USP20: variants seen among roughly 807,000 people sequenced by gnomAD.
USP20 encodes ubiquitin carboxyl-terminal hydrolase 20.
USP20 carries 80 observed loss-of-function variants against 124.2 expected under a neutral mutation model. That is an observed-to-expected ratio of 0.64 (90% confidence interval 0.54 to 0.78). USP20 has a LOEUF of 0.78. Ranked by LOEUF, USP20 falls within the 30% of genes least tolerant of loss-of-function variation. USP20 has a pLI of 0.00. For synonymous variants in USP20, 481 were observed against 512.3 expected, an observed-to-expected ratio of 0.94 and a Z score of 0.83; for missense variants, 1,043 against 1,244.4, an observed-to-expected ratio of 0.84 and a Z score of 2.44.
chr9:129,860,622 G>A (rs1429954256), intron 6 of USP20, among the ~76,000 whole-genome samples: 4 of 152,068 alleles, frequency 2.6e-5, no homozygotes, highest in African/African-American at 7.2e-5. Context: ...TACTGAGAAG[G>A]GCGAGGTGGG....
chr9:129,868,433 C>G lies in USP20; in HGVS notation c.1119C>G (p.Ser373Arg). The stretch of plus-strand genomic sequence containing the variant: ...AGCCCCCGTCACCACGGTCCTCCAG[C>G]CCCTGCCGGACGCCAGGTATCAGCT... Reference protein sequence around the residue: ...EAQPPSPRSSSPCRTPEPDND... With the variant: ...EAQPPSPRSSRPCRTPEPDND... The change falls in exon 11 of 26, where the codon AGC becomes AGG. Residue 373 changes from serine (S) to arginine (R), a missense_variant. Physicochemically the swap from Ser to Arg is moderately radical, Grantham distance 110. Transcript: ENST00000372429. 6.2e-7 allele frequency: 1 copy of G among 1,610,504 alleles called. No homozygotes were observed. The highest frequency in any genetic ancestry group is 2.2e-5 in the East Asian group (1 of 44,806).
intron 21 of USP20, 151 bp downstream of exon 21, chr9:129,875,792 T>TG (rs1163931812): frequency 1.4e-6 from 1 of 728,490 alleles, no homozygotes; most frequent in African/African-American, 2.0e-5. Flanking sequence ...ACTTGTCTCA[T>TG]GGAGAATGAC....
At chr9:129,840,253 T>A (rs2032123143) in intron 1 of USP20, among the ~76,000 whole-genome samples, 1 of 152,214 alleles carries the variant, frequency 6.6e-6, no homozygotes, top group Non-Finnish European at 1.5e-5. Flanking sequence ...GAGGCACAGG[T>A]GGGACGGAAA....
intron 1 of USP20, among the ~76,000 whole-genome samples, chr9:129,847,871 A>C (rs2032671810): frequency 6.6e-6 from 1 of 150,800 alleles, no homozygotes; most frequent in South Asian, 2.1e-4. Context: ...AAATAGAATC[A>C]TATGGTATAT....
chr9:129,870,390 C>T (rs967163934), intron 14 of USP20, 63 bp from the exon 15 acceptor site: 1 of 1,546,442 alleles, frequency 6.5e-7, no homozygotes, highest in African/African-American at 1.4e-5. Context: ...CAGCCAGAGT[C>T]CCTTCAGCTC....
intron 22 of USP20, among the ~76,000 whole-genome samples, chr9:129,878,016 A>G (rs1156929830): frequency 2.7e-5 from 4 of 150,862 alleles, no homozygotes; most frequent in African/African-American, 7.3e-5. Flanking sequence ...AGGTTGCAGT[A>G]AGCCGAGATC....
chr9:129,870,637 G>C (rs2034076830), intron 15 of USP20, 90 bp downstream of exon 15: 1 of 1,411,706 alleles, frequency 7.1e-7, no homozygotes. Flanking sequence ...GCAGCCCAGG[G>C]CTTGTGGGAT....
intron 10 of USP20, 49 bp from the exon 11 acceptor site, chr9:129,867,956 G>T: frequency 6.4e-7 from 1 of 1,567,578 alleles, no homozygotes; most frequent in Non-Finnish European, 8.6e-7. Flanking sequence ...CTGGAGACTG[G>T]TTCCTCCTGC....
At position 129,879,738 on chromosome 9, in the gene USP20, CCT is replaced by C; in HGVS notation, c.2584+95_2584+96del. 1 of 1,437,310 alleles carries C rather than the reference CCT, an allele frequency of 7.0e-7. No homozygotes were observed. The highest frequency in any genetic ancestry group is 9.7e-7 in the Non-Finnish European group (1 of 1,028,806). The allele number at this position is 1,437,310 out of a possible 1,614,324, so 89.0% of individuals were successfully genotyped here. On this transcript the variant is annotated intron_variant, in intron 24 of 25. Transcript: ENST00000372429. The surrounding 1 kb of genome is among the most constrained non-coding windows in gnomAD (Gnocchi z 4.2). ...CGTCCTTCCAGGAGCCCCCTTACCACCTGTCTTAGAGTCAGGCTGAGACGTCC... is the reference window on the plus strand; with the variant it reads ...CGTCCTTCCAGGAGCCCCCTTACCACGTCTTAGAGTCAGGCTGAGACGTCC...
intron 1 of USP20, among the ~76,000 whole-genome samples, chr9:129,838,284 C>T (rs960445064): frequency 3.9e-5 from 6 of 151,934 alleles, no homozygotes; most frequent in Non-Finnish European, 2.9e-5. Context: ...TTGAGTGATC[C>T]GCCCGCCTCA....
chr9:129,880,483 C>G lies in USP20; in HGVS notation c.*33C>G. On this transcript the variant is annotated 3_prime_UTR_variant, in exon 26 of 26. Coordinates refer to ENST00000372429, the MANE Select transcript of USP20 (RefSeq NM_001110303.4). Reference sequence around the variant, plus strand: ...TCCCCACAGCCCCATGTGCCCCACCCCGCGGAAGGCGTGTTTGTGCCCAGA... The same window carrying G: ...TCCCCACAGCCCCATGTGCCCCACCGCGCGGAAGGCGTGTTTGTGCCCAGA... The G allele has an allele frequency of 1.5e-6, 1 of 648,910 alleles. No individual in the cohort carries two copies. Among genetic ancestry groups the G allele is most frequent in the Non-Finnish European group, 2.6e-6 (1 of 391,424 alleles). The allele number at this position is 648,910 out of a possible 1,614,324, so 40.2% of individuals were successfully genotyped here.
Position 129,873,691 on chromosome 9 carries a change from C to T in USP20, c.1695-8C>T, listed in dbSNP as rs2034246246. 6.2e-7 allele frequency: 1 copy of T among 1,613,628 alleles called. No homozygotes were observed. Among genetic ancestry groups the T allele is most frequent in the South Asian group, 1.1e-5 (1 of 91,088 alleles). Reference sequence around the variant, plus strand: ...GGACACTGATGCTGGCTCGTGCTTCCTCCCCAGGCTGCGGAACGGAGTGAA... The same window carrying T: ...GGACACTGATGCTGGCTCGTGCTTCTTCCCCAGGCTGCGGAACGGAGTGAA... On this transcript the variant is annotated splice_polypyrimidine_tract_variant and splice_region_variant and intron_variant, in intron 16 of 25. Transcript: ENST00000372429.
At chr9:129,859,138 TG>T (rs2033376643) in intron 6 of USP20, among the ~76,000 whole-genome samples, 1 of 151,594 alleles carries the variant, frequency 6.6e-6, no homozygotes, top group East Asian at 1.9e-4. Flanking sequence ...GCCTGTGACC[TG>T]GAGGGCCCGG....
In USP20 at chr9:129,869,359, C is replaced by T; in HGVS notation, c.1326C>T (p.Arg442=). The T allele has an allele frequency of 6.2e-7, 1 of 1,613,776 alleles. No homozygotes were observed. The highest frequency in any genetic ancestry group is 8.5e-7 in the Non-Finnish European group (1 of 1,180,032). ...GGAGGCGGAAGGAGCAGCGCTACCGCAGCGTCATCTCAGACATCTTTGACG... is the reference window on the plus strand; with the variant it reads ...GGAGGCGGAAGGAGCAGCGCTACCGTAGCGTCATCTCAGACATCTTTGACG... ...GSRRRKEQRY[R]SVISDIFDGS... is the part of the protein sequence containing the mutation. The change falls in exon 13 of 26, where the codon CGC becomes CGT. Residue 442 remains arginine (R), a synonymous_variant. Transcript: ENST00000372429.
At chr9:129,869,516 G>A (rs1052554126) in intron 13 of USP20, 91 bp downstream of exon 13, 11 of 1,531,798 alleles carry the variant, frequency 7.2e-6, no homozygotes, top group Admixed American at 5.1e-5. Context: ...GGCTCTCCAC[G>A]GGTGCTCCCT....
chr9:129,875,503 G>C, intron 20 of USP20, 24 bp downstream of exon 20: 1 of 1,612,754 alleles, frequency 6.2e-7, no homozygotes, highest in African/African-American at 1.3e-5. Flanking sequence ...TGTGGTGGGA[G>C]AGCAGGGTGG....
intron 17 of USP20, among the ~76,000 whole-genome samples, chr9:129,874,135 G>A (rs1166007908): frequency 6.6e-6 from 1 of 152,148 alleles, no homozygotes; most frequent in African/African-American, 2.4e-5. Flanking sequence ...TCTGAGTGGG[G>A]CCTGGAGGGT....
chr9:129,880,410 T>C lies in USP20; in HGVS notation c.*17-57T>C, dbSNP rs750245540. 48 of 1,214,474 alleles carry C rather than the reference T, an allele frequency of 4.0e-5. 1 individual carries two copies. The highest frequency in any genetic ancestry group is 4.6e-5 in the Non-Finnish European group (41 of 885,766). The allele number at this position is 1,214,474 out of a possible 1,614,324, so 75.2% of individuals were successfully genotyped here. On this transcript the variant is annotated intron_variant, in intron 25 of 25. Transcript: ENST00000372429. ...TCCCTGAAAGCACCTTCCTGGAGGA[T>C]GTGGGAGGGCCCTGGACATGGCCCG...
intron 1 of USP20, among the ~76,000 whole-genome samples, chr9:129,836,376 A>T (rs1000696501): frequency 6.6e-6 from 1 of 152,170 alleles, no homozygotes; most frequent in African/African-American, 2.4e-5. Flanking sequence ...TTTTCGTTTT[A>T]CAAATGAGAA....
Sources: allele counts gnomAD v4.1 joint callset (sites outside exome capture counted in the v4.1 genomes callset), GRCh38; gene constraint gnomAD v4.1.1; non-coding constraint Gnocchi (gnomAD v3.1); transcripts MANE v1.5; gene names NCBI Gene and HGNC (gene_info 2026-07-23, HGNC 2026-07-21).